The following RNLS variants were observed in gnomAD, a reference collection of about 807,000 sequenced individuals.
RNLS encodes renalase.
In RNLS, 39 loss-of-function variants were observed where a neutral mutation model predicts 39.8. The ratio of observed to expected loss-of-function variants is 0.98; its 90% CI spans 0.76 to 1.28. The LOEUF is 1.28. RNLS is among the 50% of genes most tolerant of loss of function. The pLI is 0.00. For missense variants in RNLS, 410 were observed against 413.3 expected (o/e 0.99, Z 0.07); for synonymous variants, 147 against 150.7 (o/e 0.98, Z 0.18).
At chr10:88,234,736 C>T in the RNLS span, among the ~76,000 whole-genome samples, 1 of 152,130 alleles carries the variant, frequency 6.6e-6, no homozygotes, top group Non-Finnish European at 1.5e-5. Flanking sequence ...GGCAAAGAGA[C>T]AGTAACAAAG....
intron 4 of RNLS, among the ~76,000 whole-genome samples, chr10:88,439,629 C>T (rs962284686): frequency 5.9e-5 from 9 of 152,150 alleles, no homozygotes; most frequent in Admixed American, 1.3e-4. Flanking sequence ...AATCATGACA[C>T]GCTGGAGTTG....
intron 5 of RNLS, among the ~76,000 whole-genome samples, chr10:88,317,743 A>G (rs1291757111): frequency 3.3e-5 from 5 of 152,202 alleles, no homozygotes; most frequent in Non-Finnish European, 1.5e-5. Context: ...TTATCTGTGA[A>G]TGGACAAGTT....
intron 4 of RNLS, among the ~76,000 whole-genome samples, chr10:88,486,846 C>A (rs886466726): frequency 6.6e-6 from 1 of 152,168 alleles, no homozygotes; most frequent in Non-Finnish European, 1.5e-5. Context: ...TTCAACCCAG[C>A]AATCCCATTA....
At chr10:88,193,158 A>C in the RNLS span, among the ~76,000 whole-genome samples, 19 of 152,154 alleles carry the variant, frequency 1.2e-4, no homozygotes, top group African/African-American at 4.3e-4. Flanking sequence ...CCACAACTTA[A>C]TGGTCAACAG....
At chr10:88,582,948 C>T (rs1167852704) in intron 1 of RNLS, 125 bp downstream of exon 1, 3 of 1,156,546 alleles carry the variant, frequency 2.6e-6, no homozygotes, top group Non-Finnish European at 2.4e-6. Flanking sequence ...CCGCGCTACA[C>T]GGCCGCTCAG....
chr10:88,258,937 CTGGCGAGCTCAAA>C, the RNLS span, among the ~76,000 whole-genome samples: 1 of 152,224 alleles, frequency 6.6e-6, no homozygotes, highest in African/African-American at 2.4e-5. Flanking sequence ...TGCTCTGTTA[CTGGCGAGCTCAAA>C]TCCCTGAAGC....
chr10:88,176,015 T>C, the RNLS span, among the ~76,000 whole-genome samples: 4 of 152,346 alleles, frequency 2.6e-5, no homozygotes, highest in East Asian at 5.8e-4. Context: ...GTTTTTGATA[T>C]AATAGCAATT....
chr10:88,530,442 C>G (rs1437748442), intron 4 of RNLS, among the ~76,000 whole-genome samples: 1 of 152,036 alleles, frequency 6.6e-6, no homozygotes, highest in African/African-American at 2.4e-5. Flanking sequence ...ACATTTCTAA[C>G]TTTCATGTTT....
In RNLS at chr10:88,560,941, A is replaced by AACAC. The variant is rs35709088; in HGVS notation, c.526+11958_526+11961dup. ...TTATAGTTTGTAGATGTTCAGAGAT[A>AACAC]ACACACACACACACACACACACACA... On this transcript the variant is annotated intron_variant, in intron 4 of 6. Transcript: ENST00000331772. Among the ~76,000 whole-genome samples, 1,068 of 145,800 alleles carry AACAC rather than the reference A, an allele frequency of 7.3e-3. 8 individuals are homozygous for AACAC. Among genetic ancestry groups the AACAC allele is most frequent in the African/African-American group, 0.02 (790 of 39,520 alleles).
chr10:88,188,492 A>G, the RNLS span, among the ~76,000 whole-genome samples: 1 of 152,218 alleles, frequency 6.6e-6, no homozygotes, highest in Non-Finnish European at 1.5e-5. Flanking sequence ...AGACTATTAT[A>G]CTACAGGTGA....
the RNLS span, among the ~76,000 whole-genome samples, chr10:88,254,923 G>A: frequency 0.46 from 70,116 of 152,042 alleles, 18,332 homozygotes; most frequent in African/African-American, 0.73. Flanking sequence ...CATGCCTTCC[G>A]AGAATAAATA....
At chr10:88,443,259 A>G (rs1564802849) in intron 4 of RNLS, among the ~76,000 whole-genome samples, 2 of 152,200 alleles carry the variant, frequency 1.3e-5, no homozygotes, top group African/African-American at 2.4e-5. Context: ...GTTTTCTAAA[A>G]CTGCGTATTT....
chr10:88,296,241 C>G (rs1020776314), intron 6 of RNLS, among the ~76,000 whole-genome samples: 5 of 152,148 alleles, frequency 3.3e-5, no homozygotes, highest in African/African-American at 7.2e-5. Flanking sequence ...GCTTGGGAGT[C>G]TAGGATGCAA....
chr10:88,394,899 T>C (rs1014857288), intron 4 of RNLS, among the ~76,000 whole-genome samples: 1 of 152,142 alleles, frequency 6.6e-6, no homozygotes, highest in Non-Finnish European at 1.5e-5. Flanking sequence ...TGTAGGGACA[T>C]GGATGAAACT....
At chr10:88,393,304 G>C (rs1261643796) in intron 4 of RNLS, among the ~76,000 whole-genome samples, 5 of 151,930 alleles carry the variant, frequency 3.3e-5, no homozygotes, top group Non-Finnish European at 7.4e-5. Context: ...CATCGTCTCA[G>C]CCCAAAATCT....
chr10:88,381,056 T>C (rs1408761739), intron 4 of RNLS, among the ~76,000 whole-genome samples: 2 of 152,218 alleles, frequency 1.3e-5, no homozygotes, highest in African/African-American at 4.8e-5. Flanking sequence ...TTTGATATGT[T>C]CTGATATCCA....
At chr10:88,399,497 C>A (rs1337036337) in intron 4 of RNLS, among the ~76,000 whole-genome samples, 1 of 151,868 alleles carries the variant, frequency 6.6e-6, no homozygotes, top group Non-Finnish European at 1.5e-5. Flanking sequence ...CATGGATGAT[C>A]CTTGAAAATA....
chr10:88,451,066 A>C (rs146964173), intron 4 of RNLS, among the ~76,000 whole-genome samples: 3 of 152,318 alleles, frequency 2.0e-5, no homozygotes, highest in Non-Finnish European at 4.4e-5. Context: ...AGAGGCTAGG[A>C]TATGAGAGGT....
intron 4 of RNLS, among the ~76,000 whole-genome samples, chr10:88,544,875 GA>G (rs1375187077): frequency 5.3e-5 from 8 of 152,076 alleles, no homozygotes; most frequent in Admixed American, 3.9e-4. Flanking sequence ...TTTTGAGTTT[GA>G]TTTTTTTCAA....
Sources: gnomAD v4.1 joint callset for allele counts (sites outside exome capture counted in the v4.1 genomes callset) on GRCh38, gnomAD v4.1.1 for gene constraint, MANE v1.5 for transcripts, NCBI Gene and HGNC (gene_info 2026-07-23, HGNC 2026-07-21) for gene names.